The following SCEL variants were observed in gnomAD, a reference collection of about 807,000 sequenced individuals.
SCEL encodes the protein sciellin.
Under a neutral mutation model 117.6 loss-of-function variants are expected in SCEL, and 113 were observed. The observed-to-expected ratio is 0.96, with a 90% CI of 0.83 to 1.12. The LOEUF (loss-of-function observed/expected upper bound fraction) is 1.12. SCEL is among the 50% of genes most tolerant of loss of function. The probability of loss-of-function intolerance (pLI) is 0.00; values close to 1 mark genes in which losing one functional copy is unlikely to be tolerated. For synonymous variants in SCEL, 270 were observed against 256.2 expected (o/e 1.05, Z -0.51); for missense variants, 785 against 810.8 (o/e 0.97, Z 0.39).
intron 24 of SCEL, among the ~76,000 whole-genome samples, chr13:77,615,132 G>A (rs1260042381): frequency 1.3e-5 from 2 of 152,108 alleles, no homozygotes; most frequent in Non-Finnish European, 2.9e-5. Context: ...ATATTGAAGA[G>A]CTAATTAATA....
At chr13:77,602,217 C>T (rs2154401654) in intron 16 of SCEL, 93 bp downstream of exon 16, 1 of 1,049,084 alleles carries the variant, frequency 9.5e-7, no homozygotes, top group Non-Finnish European at 1.4e-6. Flanking sequence ...TCCTTTGTGG[C>T]AGTGAACTCT....
chr13:77,587,922 T>C lies in SCEL; in HGVS notation c.546-1222T>C, dbSNP rs1291981372. Among the ~76,000 whole-genome samples the C allele has an allele frequency of 3.9e-5, 6 of 152,296 alleles. No homozygotes were observed. The East Asian group carries it at 1.2e-3, about 29-fold the overall frequency. ...TAAGCTAATGATGGCTGTATTTATATGCTTTTTCTCCAGATAGCCTCATGG... is the reference window on the plus strand; with the variant it reads ...TAAGCTAATGATGGCTGTATTTATACGCTTTTTCTCCAGATAGCCTCATGG... On this transcript the variant is annotated intron_variant, in intron 9 of 32. Transcript: ENST00000349847.
intron 4 of SCEL, among the ~76,000 whole-genome samples, chr13:77,561,512 T>C (rs1157157773): frequency 2.6e-5 from 4 of 152,216 alleles, no homozygotes; most frequent in African/African-American, 9.6e-5. Context: ...CTCCTGGTAC[T>C]TGCTCAGAGG....
intron 30 of SCEL, among the ~76,000 whole-genome samples, chr13:77,639,802 C>T (rs1481393578): frequency 2.0e-5 from 3 of 152,020 alleles, no homozygotes; most frequent in Non-Finnish European, 4.4e-5. Flanking sequence ...TTCACTACCC[C>T]ATTACATATC....
intron 1 of SCEL, among the ~76,000 whole-genome samples, chr13:77,541,961 T>C (rs1277652724): frequency 2.0e-5 from 3 of 152,238 alleles, no homozygotes; most frequent in Non-Finnish European, 2.9e-5. Flanking sequence ...CAGCTAGAAC[T>C]GAAAATAGCC....
chr13:77,570,615 A>G (rs1216989860), intron 8 of SCEL, among the ~76,000 whole-genome samples: 1 of 152,170 alleles, frequency 6.6e-6, no homozygotes, highest in Non-Finnish European at 1.5e-5. Flanking sequence ...AACAATTTAA[A>G]TCCAGCTTTC....
intron 1 of SCEL, among the ~76,000 whole-genome samples, chr13:77,536,273 A>AT (rs1021447101): frequency 6.6e-6 from 1 of 152,102 alleles, no homozygotes; most frequent in Non-Finnish European, 1.5e-5. Flanking sequence ...AGTCATATTT[A>AT]TTTTTTTCTC....
chr13:77,569,418 C>T lies in SCEL; in HGVS notation c.446C>T (p.Ser149Phe), dbSNP rs777730360. Reference protein sequence around the residue: ...LNANTSNTIASTSATTPVKKK... With the variant: ...LNANTSNTIAFTSATTPVKKK... ...GCCAACACCTCCAACACCATAGCAT[C>T]CACTTCTGCTACTACTCCTGTAAAG... Residue 149 changes from serine to phenylalanine, a missense_variant, in exon 8 of 33, where the codon TCC (serine) becomes TTC (phenylalanine). Physicochemically the swap from Ser to Phe is radical, Grantham distance 155 (BLOSUM62 -2). Coordinates refer to ENST00000349847, the MANE Select transcript of SCEL (RefSeq NM_144777.3). 2 of 1,613,772 alleles carry T rather than the reference C, an allele frequency of 1.2e-6. No homozygotes were observed. Among genetic ancestry groups the T allele is most frequent in the African/African-American group, 1.3e-5 (1 of 74,938 alleles).
In SCEL at chr13:77,603,055, TATA is replaced by T. The variant is rs1163514474; in HGVS notation, c.1038-19_1038-17del. 1 of 1,417,316 alleles carries T rather than the reference TATA, an allele frequency of 7.1e-7. No homozygotes were observed. The highest frequency in any genetic ancestry group is 9.6e-7 in the Non-Finnish European group (1 of 1,036,572). The allele number at this position is 1,417,316 out of a possible 1,614,324, so 87.8% of individuals were successfully genotyped here. The stretch of plus-strand genomic sequence containing the variant: ...TATTATGGGAATGTTTTGAAACTGA[TATA>T]AACTTTTTTTTTTAAAGAAGTGAAG... On this transcript the variant is annotated intron_variant, in intron 17 of 32. Coordinates refer to ENST00000349847, the MANE Select transcript of SCEL (RefSeq NM_144777.3).
chr13:77,572,071 G>A (rs1257218024), intron 8 of SCEL, 53 bp from the exon 9 acceptor site: 3 of 1,422,208 alleles, frequency 2.1e-6, no homozygotes, highest in South Asian at 1.2e-5. Context: ...CAGACATGTG[G>A]GTGGGATCAG....
chr13:77,548,626 C>T (rs1210979746), intron 1 of SCEL, among the ~76,000 whole-genome samples: 2 of 152,192 alleles, frequency 1.3e-5, no homozygotes, highest in East Asian at 1.9e-4. Context: ...AGAATTCCCA[C>T]GTGTCGTGGG....
At chr13:77,605,386 C>G (rs867572088) in intron 19 of SCEL, among the ~76,000 whole-genome samples, 2 of 152,044 alleles carry the variant, frequency 1.3e-5, no homozygotes, top group South Asian at 2.1e-4. Context: ...AGCTTGCAAC[C>G]CATAGAAGGA....
chr13:77,640,774 C>T lies in SCEL; in HGVS notation c.1937C>T (p.Thr646Ile). The T allele has an allele frequency of 1.3e-6, 2 of 1,548,648 alleles. No individual in the cohort carries two copies. Among genetic ancestry groups the T allele is most frequent in the Middle Eastern group, 1.7e-4 (1 of 5,896 alleles). Reference sequence around the variant, plus strand: ...GAATTACAAATTTGCTGCCATTCTACTTGCTTTAAGGTAAGGATGTGTTTA... The same window carrying T: ...GAATTACAAATTTGCTGCCATTCTATTTGCTTTAAGGTAAGGATGTGTTTA... ...LDELQICCHSTCFKCEICKQP... is the reference protein window; with the variant it reads ...LDELQICCHSICFKCEICKQP... The change falls in exon 31 of 33, where the codon ACT (threonine) becomes ATT (isoleucine). Residue 646 changes from threonine to isoleucine, a missense_variant. Coordinates refer to ENST00000349847, the MANE Select transcript of SCEL (RefSeq NM_144777.3).
intron 20 of SCEL, among the ~76,000 whole-genome samples, chr13:77,608,824 G>A (rs900894718): frequency 6.6e-6 from 1 of 152,072 alleles, no homozygotes. Flanking sequence ...ATGGCGTCTT[G>A]CTCTAATTAT....
Position 77,602,073 on chromosome 13 carries a change from G to T in SCEL, c.926G>T (p.Ser309Ile), listed in dbSNP as rs1460379202. Residue 309 changes from serine (S) to isoleucine (I), a missense_variant, in exon 16 of 33, where the codon AGC (serine) becomes ATC (isoleucine). Coordinates refer to ENST00000349847, the MANE Select transcript of SCEL (RefSeq NM_144777.3). ...RTDKDGKGIQ[S>I]LGSPIKVNQR... ...CCCCCAATGTTGTAAAGAATCCAAAGCCTTGGAAGTCCGATTAAAGTTAAT... is the reference window on the plus strand; with the variant it reads ...CCCCCAATGTTGTAAAGAATCCAAATCCTTGGAAGTCCGATTAAAGTTAAT... 2.5e-6 allele frequency: 4 copies of T among 1,609,914 alleles called. No individual in the cohort carries two copies. The highest frequency in any genetic ancestry group is 3.4e-6 in the Non-Finnish European group (4 of 1,178,464).
At chr13:77,642,110 A>G (rs1032537889) in intron 31 of SCEL, among the ~76,000 whole-genome samples, 1 of 152,116 alleles carries the variant, frequency 6.6e-6, no homozygotes, top group African/African-American at 2.4e-5. Context: ...TTTCAATGTA[A>G]TTTCAATAAA....
At chr13:77,553,115 A>G (rs2084437517) in intron 1 of SCEL, among the ~76,000 whole-genome samples, 2 of 152,188 alleles carry the variant, frequency 1.3e-5, no homozygotes, top group African/African-American at 4.8e-5. Flanking sequence ...CTGAGATACT[A>G]GCGGTGGAAA....
chr13:77,540,086 A>G (rs577832519), intron 1 of SCEL, among the ~76,000 whole-genome samples: 38 of 152,380 alleles, frequency 2.5e-4, no homozygotes, highest in Middle Eastern at 3.4e-3. Flanking sequence ...CAAAGGACGT[A>G]TCATATATCA....
intron 9 of SCEL, among the ~76,000 whole-genome samples, chr13:77,583,865 T>C (rs1319644608): frequency 1.3e-5 from 2 of 152,178 alleles, no homozygotes; most frequent in East Asian, 3.8e-4. Flanking sequence ...AGGAAAGACG[T>C]GATATTTGCA....
Sources: allele counts gnomAD v4.1 joint callset (sites outside exome capture counted in the v4.1 genomes callset), GRCh38; gene constraint gnomAD v4.1.1; transcripts MANE v1.5; gene names NCBI Gene and HGNC (gene_info 2026-07-23, HGNC 2026-07-21).